The following ARHGEF10 variants were observed in gnomAD, a reference collection of about 807,000 sequenced individuals.
ARHGEF10 encodes the protein Rho guanine nucleotide exchange factor (GEF) 10.
A neutral mutation model predicts 147.4 loss-of-function variants in ARHGEF10; 140 were observed. That is an observed-to-expected ratio of 0.95 (90% CI 0.83 to 1.09). The LOEUF (loss-of-function observed/expected upper bound fraction) is 1.09. ARHGEF10 is among the 50% of genes least tolerant of loss of function. ARHGEF10 has a pLI of 0.00. For synonymous variants in ARHGEF10, 902 were observed against 695.8 expected, an observed-to-expected ratio of 1.30 and a Z score of -4.67; for missense variants, 2,222 against 1,752.7, an observed-to-expected ratio of 1.27 and a Z score of -4.78.
At chr8:1,869,646 CAT>C (rs1403796096) in intron 7 of ARHGEF10, 3 of 325,040 alleles carry the variant, frequency 9.2e-6, no homozygotes, top group Non-Finnish European at 1.8e-5. Flanking sequence ...TAAAGAAAAA[CAT>C]AAATTCTCAG....
chr8:1,892,195 C>T (rs559454544), intron 11 of ARHGEF10, among the ~76,000 whole-genome samples: 9 of 151,268 alleles, frequency 5.9e-5, no homozygotes, highest in African/African-American at 1.9e-4. Flanking sequence ...TCTAAGCTCT[C>T]GTTTGAAAGG....
intron 6 of ARHGEF10, among the ~76,000 whole-genome samples, chr8:1,868,772 T>C (rs993331510): frequency 1.3e-5 from 2 of 152,208 alleles, no homozygotes; most frequent in Non-Finnish European, 2.9e-5. Flanking sequence ...TGTGCCACCG[T>C]TGTATTTTTT....
chr8:1,926,597 A>G (rs1352966646), intron 23 of ARHGEF10, 134 bp downstream of exon 23: 4 of 804,140 alleles, frequency 5.0e-6, no homozygotes, highest in Non-Finnish European at 8.5e-6. Context: ...ACTTAGAAAC[A>G]TGAAAACTTC....
chr8:1,890,138 G>A (rs936087233), intron 11 of ARHGEF10, among the ~76,000 whole-genome samples: 1 of 29,684 alleles, frequency 3.4e-5, no homozygotes, highest in Non-Finnish European at 6.8e-5. Context: ...ACGGAGTGGG[G>A]TGAGGGTTTG....
chr8:1,922,748 C>T (rs996324762), intron 18 of ARHGEF10, among the ~76,000 whole-genome samples: 2 of 152,182 alleles, frequency 1.3e-5, no homozygotes, highest in African/African-American at 4.8e-5. Flanking sequence ...ATTCAGGAGG[C>T]AGCTCTTTGC....
At chr8:1,836,788 G>C (rs1434307936) in intron 1 of ARHGEF10, among the ~76,000 whole-genome samples, 2 of 152,152 alleles carry the variant, frequency 1.3e-5, no homozygotes, top group Non-Finnish European at 2.9e-5. Context: ...TGTTGTGGGA[G>C]GGACCCAAGG....
chr8:1,916,009 C>T (rs558512222), intron 18 of ARHGEF10, among the ~76,000 whole-genome samples: 11 of 152,244 alleles, frequency 7.2e-5, no homozygotes, highest in Non-Finnish European at 1.5e-4. Context: ...GGAAAGCTAT[C>T]ATAGCTCCTC....
At chr8:1,848,223 G>C (rs535603815) in intron 2 of ARHGEF10, among the ~76,000 whole-genome samples, 1 of 152,222 alleles carries the variant, frequency 6.6e-6, no homozygotes, top group African/African-American at 2.4e-5. Flanking sequence ...AGGTACGCGG[G>C]GTCCTCCGTC....
intron 26 of ARHGEF10, among the ~76,000 whole-genome samples, chr8:1,943,261 T>C (rs1252507163): frequency 6.6e-6 from 1 of 152,168 alleles, no homozygotes; most frequent in East Asian, 1.9e-4. Context: ...GTGAGACTTG[T>C]GCATGCTTTG....
intron 25 of ARHGEF10, 119 bp from the exon 26 acceptor site, chr8:1,933,681 G>A: frequency 7.7e-7 from 1 of 1,300,724 alleles, no homozygotes; most frequent in Non-Finnish European, 1.1e-6. Context: ...TCAGGCACAA[G>A]CATTAACATT....
chr8:1,871,328 C>A (rs1014797872), intron 7 of ARHGEF10, among the ~76,000 whole-genome samples: 1 of 150,756 alleles, frequency 6.6e-6, no homozygotes, highest in African/African-American at 2.4e-5. Context: ...ACCTTATTTC[C>A]TCATAATAAC....
At chr8:1,856,314 C>T (rs1244879673) in intron 2 of ARHGEF10, among the ~76,000 whole-genome samples, 4 of 152,190 alleles carry the variant, frequency 2.6e-5, no homozygotes, top group Non-Finnish European at 4.4e-5. Context: ...TTCCAGAAAG[C>T]TCGTGGGGTC....
At position 1,860,149 on chromosome 8, in the gene ARHGEF10, CGGT is replaced by C; in HGVS notation, c.447_449del (p.Val150del). The C allele has an allele frequency of 6.2e-7, 1 of 1,613,810 alleles. No homozygotes were observed. The highest frequency in any genetic ancestry group is 8.5e-7 in the Non-Finnish European group (1 of 1,179,978). Reference sequence around the variant, plus strand: ...CTCCTGCTGCCCGCCTACTCCAGCCCGGTCATCATCTGCGCCACGTCCCTGGAC... The same window carrying C: ...CTCCTGCTGCCCGCCTACTCCAGCCCCATCATCTGCGCCACGTCCCTGGAC... On this transcript the variant is annotated inframe_deletion, in exon 4 of 29. Coordinates refer to ENST00000349830, the MANE Select transcript of ARHGEF10 (RefSeq NM_014629.4).
chr8:1,853,625 G>A (rs1805318923), intron 2 of ARHGEF10, among the ~76,000 whole-genome samples: 1 of 152,246 alleles, frequency 6.6e-6, no homozygotes, highest in African/African-American at 2.4e-5. Context: ...CAGCTTGCCT[G>A]GCTCCCGCCA....
intron 7 of ARHGEF10, 102 bp from the exon 8 acceptor site, chr8:1,876,469 C>G: frequency 1.6e-6 from 2 of 1,232,080 alleles, no homozygotes; most frequent in Non-Finnish European, 2.4e-6. Flanking sequence ...AGATTTCCTT[C>G]CACCCCCAGC....
At chr8:1,942,251 C>G (rs1384739039) in intron 26 of ARHGEF10, among the ~76,000 whole-genome samples, 1 of 148,960 alleles carries the variant, frequency 6.7e-6, no homozygotes, top group African/African-American at 2.5e-5. Flanking sequence ...ATCTAACTCA[C>G]TCTTAGATCT....
chr8:1,942,004 A>G (rs1021676416), intron 26 of ARHGEF10, among the ~76,000 whole-genome samples: 2 of 152,182 alleles, frequency 1.3e-5, no homozygotes, highest in Non-Finnish European at 2.9e-5. Context: ...AGCTAAAACT[A>G]TAAACACCTT....
Position 1,925,347 on chromosome 8 carries a change from G to C in ARHGEF10, c.2553G>C (p.Lys851Asn). The C allele has an allele frequency of 6.2e-7, 1 of 1,614,164 alleles. No homozygotes were observed. Residue 851 changes from lysine (K) to asparagine (N), a missense_variant, in exon 22 of 29, where the codon AAG (lysine) becomes AAC (asparagine). Coordinates refer to ENST00000349830, the MANE Select transcript of ARHGEF10 (RefSeq NM_014629.4). ...ATGGGAATCACATTAAAAAGGAGAA[G>C]CATCCTCTCCTCGTCGGACACATGC... ...EDDGNHIKKE[K>N]HPLLVGHMPV...
chr8:1,892,953 T>C (rs1466230874), intron 11 of ARHGEF10, among the ~76,000 whole-genome samples: 2 of 152,042 alleles, frequency 1.3e-5, no homozygotes, highest in Non-Finnish European at 2.9e-5. Context: ...AAAAGCAAGA[T>C]GGAAAATAAC....
Sources: gnomAD v4.1 joint callset for allele counts (sites outside exome capture counted in the v4.1 genomes callset) on GRCh38, gnomAD v4.1.1 for gene constraint, MANE v1.5 for transcripts, NCBI Gene and HGNC (gene_info 2026-07-23, HGNC 2026-07-21) for gene names.